The following SSH1 variants were observed in gnomAD, a reference collection of about 807,000 sequenced individuals.
SSH1 encodes protein phosphatase Slingshot homolog 1.
A neutral mutation model predicts 79.7 loss-of-function variants in SSH1; 43 were observed. The observed-to-expected ratio is 0.54, with a 90% CI of 0.42 to 0.70. The LOEUF (loss-of-function observed/expected upper bound fraction) is 0.70. SSH1 is among the 30% of genes least tolerant of loss of function. The probability of loss-of-function intolerance (pLI) is 0.00; values close to 1 mark genes in which losing one functional copy is unlikely to be tolerated. For missense variants in SSH1, 1,206 were observed against 1,358.8 expected (o/e 0.89, Z 1.77); for synonymous variants, 599 against 538.3 (o/e 1.11, Z -1.56).
At chr12:108,838,272 TGCCTCA>T (rs2038689126) in intron 2 of SSH1, among the ~76,000 whole-genome samples, 1 of 152,190 alleles carries the variant, frequency 6.6e-6, no homozygotes, top group Non-Finnish European at 1.5e-5. Context: ...AGACCTTCCC[TGCCTCA>T]GCACTGTTTG....
chr12:108,806,451 G>T, intron 8 of SSH1, 57 bp from the exon 9 acceptor site: 1 of 1,523,800 alleles, frequency 6.6e-7, no homozygotes, highest in Non-Finnish European at 9.1e-7. Context: ...GTGGTCGGAG[G>T]TTACAGGAAT....
chr12:108,857,043 C>T lies in SSH1; in HGVS notation c.69+385G>A, dbSNP rs118011205. On this transcript the variant is annotated intron_variant, in intron 1 of 14. Coordinates refer to ENST00000326495, the MANE Select transcript of SSH1 (RefSeq NM_018984.4). This position sits in a 1 kb window ranked among gnomAD's most constrained non-coding sequence, Gnocchi z 4.7. ...TGCACACACAGTCTCTGCACAGTCA[C>T]CCTTAGGGGTCACAACGCACACAGT... is the stretch of plus-strand genomic sequence containing the variant. 8.8e-3 allele frequency among the ~76,000 whole-genome samples: 1,339 copies of T among 152,356 alleles called. 5 individuals carry two copies. Among genetic ancestry groups the T allele is most frequent in the Non-Finnish European group, 0.016 (1,060 of 68,030 alleles).
rs1445778360 is a variant in SSH1, at chr12:108,779,892, C to G, written c.*8096G>C. 6.6e-6 allele frequency: 1 copy of G among 152,222 alleles called. No individual in the cohort carries two copies. Among genetic ancestry groups the G allele is most frequent in the East Asian group, 1.9e-4 (1 of 5,188 alleles). The allele number at this position is 152,222 out of a possible 1,614,324, so 9.4% of individuals were successfully genotyped here. ...GTTTCACCATGTGAGCCAGGCTGGTCTTGAGCTTCTGACCTCAAGTGATCC... is the reference window on the plus strand; with the variant it reads ...GTTTCACCATGTGAGCCAGGCTGGTGTTGAGCTTCTGACCTCAAGTGATCC... On this transcript the variant is annotated 3_prime_UTR_variant, in exon 15 of 15. Transcript: ENST00000326495.
At chr12:108,832,460 C>A (rs2038497798) in intron 2 of SSH1, among the ~76,000 whole-genome samples, 1 of 152,040 alleles carries the variant, frequency 6.6e-6, no homozygotes, top group Admixed American at 6.6e-5. Flanking sequence ...GGTCAGAAAG[C>A]AGCACCATCT....
chr12:108,809,676 C>A lies in SSH1; in HGVS notation c.536+17G>T. On this transcript the variant is annotated intron_variant, in intron 7 of 14. Coordinates refer to ENST00000326495, the MANE Select transcript of SSH1 (RefSeq NM_018984.4). Reference sequence around the variant, plus strand: ...AAATATTTCTAGGGAGTTAAAAGTCCCTAAAACCACACTTACCACATGGCC... The same window carrying A: ...AAATATTTCTAGGGAGTTAAAAGTCACTAAAACCACACTTACCACATGGCC... 6.2e-7 allele frequency: 1 copy of A among 1,611,218 alleles called. No individual in the cohort carries two copies. The highest frequency in any genetic ancestry group is 8.5e-7 in the Non-Finnish European group (1 of 1,177,524).
intron 14 of SSH1, among the ~76,000 whole-genome samples, chr12:108,789,729 C>T (rs1475259616): frequency 6.6e-6 from 1 of 152,086 alleles, no homozygotes; most frequent in African/African-American, 2.4e-5. Context: ...GTTGACCAGC[C>T]AGAGAGAGCA....
At chr12:108,808,062 C>T (rs2037377541) in intron 7 of SSH1, among the ~76,000 whole-genome samples, 1 of 152,130 alleles carries the variant, frequency 6.6e-6, no homozygotes, top group Non-Finnish European at 1.5e-5. Context: ...ATCAGCCTCC[C>T]GAGCAGCTGG....
In SSH1 at chr12:108,788,881, T is replaced by G; in HGVS notation, c.2257A>C (p.Lys753Gln). 6.2e-7 allele frequency: 1 copy of G among 1,614,206 alleles called. No individual in the cohort carries two copies. The highest frequency in any genetic ancestry group is 1.1e-5 in the South Asian group (1 of 91,070). Residue 753 changes from lysine to glutamine, a missense_variant, in exon 15 of 15, where the codon AAG becomes CAG. Lys to Gln is a moderately conservative substitution (Grantham distance 53). Coordinates refer to ENST00000326495, the MANE Select transcript of SSH1 (RefSeq NM_018984.4). ...TGAGAATTCTTCAAAAGGAGGGACT[T>G]TGGCAGGACTTTTGGGGTCTCTCTG... ...PSRETPKVLP[K>Q]SLLLKNSHCD...
chr12:108,813,031 T>TA (rs904252846), intron 5 of SSH1, among the ~76,000 whole-genome samples: 6 of 151,964 alleles, frequency 3.9e-5, no homozygotes, highest in South Asian at 2.1e-4. Context: ...CCCAGCTTTT[T>TA]AAAAAAAACT....
chr12:108,787,757 T>C lies in SSH1; in HGVS notation c.*231A>G. The C allele has an allele frequency of 3.4e-6, 2 of 587,634 alleles. No individual in the cohort carries two copies. Among genetic ancestry groups the C allele is most frequent in the East Asian group, 3.0e-5 (1 of 33,728 alleles). The allele number at this position is 587,634 out of a possible 1,614,324, so 36.4% of individuals were successfully genotyped here. A position where few individuals can be genotyped will look rare whatever the true frequency, so the allele number is the denominator to read the frequency against. ...GGTGGGAGCGGAGTTTTGTGTCTCC[T>C]GGCCGGCGGCTCCTGGTTCTCCCAG... On this transcript the variant is annotated 3_prime_UTR_variant, in exon 15 of 15. Coordinates refer to ENST00000326495, the MANE Select transcript of SSH1 (RefSeq NM_018984.4).
chr12:108,843,373 A>G (rs2038823724), intron 2 of SSH1, among the ~76,000 whole-genome samples: 1 of 152,214 alleles, frequency 6.6e-6, no homozygotes, highest in Non-Finnish European at 1.5e-5. Flanking sequence ...TATCCAGGGC[A>G]AACTGGGCAC....
intron 1 of SSH1, chr12:108,853,338 T>C: frequency 1.0e-6 from 1 of 985,290 alleles, no homozygotes; most frequent in Non-Finnish European, 1.2e-6. Flanking sequence ...CTATGACTTA[T>C]TTTTATTTTT....
chr12:108,845,611 C>T (rs1454273182), intron 2 of SSH1, among the ~76,000 whole-genome samples: 3 of 152,148 alleles, frequency 2.0e-5, no homozygotes, highest in Non-Finnish European at 2.9e-5. Context: ...CGCTTGAACC[C>T]GGGAGGCGGA....
chr12:108,835,242 C>A (rs1163227894), intron 2 of SSH1, among the ~76,000 whole-genome samples: 2 of 152,100 alleles, frequency 1.3e-5, no homozygotes, highest in Non-Finnish European at 2.9e-5. Context: ...CTCATTTATT[C>A]CCCAGTGTCC....
chr12:108,792,704 A>G lies in SSH1; in HGVS notation c.1475T>C (p.Leu492Pro). 6.2e-7 allele frequency: 1 copy of G among 1,613,436 alleles called. No individual in the cohort carries two copies. The highest frequency in any genetic ancestry group is 1.1e-5 in the South Asian group (1 of 91,086). Residue 492 changes from leucine to proline, a missense_variant, in exon 14 of 15, where the codon CTG (leucine) becomes CCG (proline). Around this residue, in one of 5 missense-constraint regions of SSH1, gnomAD observed 709 missense variants for 730.6 expected, o/e 0.97. Coordinates refer to ENST00000326495, the MANE Select transcript of SSH1 (RefSeq NM_018984.4). ...CTGGGCGGCATCATCCAAGAAGGGC[A>G]GCTGGCTTTCCGGGGTGCCATCTGG... ...ETPDGTPESQ[L>P]PFLDDAAQPG...
At chr12:108,844,199 C>G (rs1360470146) in intron 2 of SSH1, among the ~76,000 whole-genome samples, 1 of 151,960 alleles carries the variant, frequency 6.6e-6, no homozygotes, top group Non-Finnish European at 1.5e-5. Context: ...CATATAATAG[C>G]CTAGGAGGTG....
chr12:108,800,705 C>T, intron 12 of SSH1, 75 bp downstream of exon 12: 1 of 1,570,046 alleles, frequency 6.4e-7, no homozygotes, highest in Non-Finnish European at 8.7e-7. Flanking sequence ...TCTGCATCTG[C>T]AGTCTCGTTC....
chr12:108,853,379 A>G, intron 1 of SSH1: 1 of 983,930 alleles, frequency 1.0e-6, no homozygotes. Context: ...GAAAATAAGA[A>G]GGAAACACAT....
Position 108,789,253 on chromosome 12 carries a change from A to C in SSH1, c.1894-9T>G, listed in dbSNP as rs1442301517. Reference sequence around the variant, plus strand: ...CCAAATATAGCATCATCCTGCAAGGAAGGGGACAAGAGCATGGTGAGACGG... The same window carrying C: ...CCAAATATAGCATCATCCTGCAAGGCAGGGGACAAGAGCATGGTGAGACGG... On this transcript the variant is annotated splice_polypyrimidine_tract_variant and intron_variant, in intron 14 of 14. Transcript: ENST00000326495. The C allele has an allele frequency of 3.2e-6, 5 of 1,586,362 alleles. No homozygotes were observed. Among genetic ancestry groups the C allele is most frequent in the Non-Finnish European group, 3.4e-6 (4 of 1,165,378 alleles).
Sources: gnomAD v4.1 joint callset for allele counts (sites outside exome capture counted in the v4.1 genomes callset) on GRCh38, gnomAD v4.1.1 for gene constraint, gnomAD v4.1.1 regional missense constraint, Gnocchi (gnomAD v3.1) non-coding constraint, MANE v1.5 for transcripts, NCBI Gene and HGNC (gene_info 2026-07-23, HGNC 2026-07-21) for gene names.